The following ARHGAP26 variants were observed in gnomAD, a reference collection of about 807,000 sequenced individuals.
The protein encoded by ARHGAP26 is Rho GTPase activating protein 26, also known as rho GTPase-activating protein 26.
Under a neutral mutation model 104.8 loss-of-function variants are expected in ARHGAP26, and 38 were observed. The observed-to-expected ratio is 0.36, with a 90% CI of 0.28 to 0.48. The LOEUF (loss-of-function observed/expected upper bound fraction) is 0.48, where lower values mean the gene tolerates loss of function less well. Among genes scored for constraint, ARHGAP26 ranks in the 20% least tolerant of loss-of-function variants. The pLI is 0.99. For synonymous variants in ARHGAP26, 341 were observed against 340.0 expected (o/e 1.00, Z -0.03); for missense variants, 704 against 947.9 (o/e 0.74, Z 3.38).
At chr5:143,139,855 G>T (rs193083141) in intron 19 of ARHGAP26, among the ~76,000 whole-genome samples, 1 of 152,284 alleles carries the variant, frequency 6.6e-6, no homozygotes, top group Non-Finnish European at 1.5e-5. Context: ...TGACACACAC[G>T]CTGTGCTTTT....
intron 11 of ARHGAP26, among the ~76,000 whole-genome samples, chr5:143,010,427 G>T (rs563424948): frequency 6.6e-6 from 1 of 152,330 alleles, no homozygotes; most frequent in Admixed American, 6.5e-5. Context: ...GTTGCCATGT[G>T]TGGTGCTTGG....
chr5:143,140,764 G>A (rs1005579255), intron 19 of ARHGAP26, among the ~76,000 whole-genome samples: 1 of 152,134 alleles, frequency 6.6e-6, no homozygotes, highest in Non-Finnish European at 1.5e-5. Flanking sequence ...GGGGGCAGGA[G>A]TGGATTCTTG....
intron 19 of ARHGAP26, among the ~76,000 whole-genome samples, chr5:143,143,832 A>C (rs147488161): frequency 1.3e-5 from 2 of 152,350 alleles, no homozygotes; most frequent in African/African-American, 2.4e-5. Flanking sequence ...CTTAAGGACC[A>C]AGTTCACATG....
At chr5:143,047,868 G>T (rs1015742956) in intron 14 of ARHGAP26, among the ~76,000 whole-genome samples, 26 of 151,880 alleles carry the variant, frequency 1.7e-4, no homozygotes, top group African/African-American at 5.8e-4. Flanking sequence ...GCCCAGGCTG[G>T]AGTGCAGTGG....
intron 17 of ARHGAP26, among the ~76,000 whole-genome samples, chr5:143,087,046 C>T (rs1790695055): frequency 1.3e-5 from 2 of 152,200 alleles, no homozygotes. Context: ...AAAGTGTTTG[C>T]CAGGGTCCTT....
chr5:142,781,442 A>C (rs1403832484), intron 1 of ARHGAP26, among the ~76,000 whole-genome samples: 1 of 152,180 alleles, frequency 6.6e-6, no homozygotes, highest in African/African-American at 2.4e-5. Flanking sequence ...TGTATTGCCT[A>C]AAATAATCCC....
chr5:143,022,176 A>C (rs1780431851), intron 12 of ARHGAP26, among the ~76,000 whole-genome samples: 1 of 152,044 alleles, frequency 6.6e-6, no homozygotes, highest in Non-Finnish European at 1.5e-5. Context: ...GGCTCAGGTG[A>C]TTCTCCTGCC....
At chr5:143,117,264 T>C (rs1236800064) in intron 17 of ARHGAP26, among the ~76,000 whole-genome samples, 2 of 152,220 alleles carry the variant, frequency 1.3e-5, no homozygotes, top group African/African-American at 4.8e-5. Context: ...ACGAGTCCCG[T>C]GGCCTCTGCT....
chr5:142,824,178 A>AG (rs1173152006), intron 1 of ARHGAP26, among the ~76,000 whole-genome samples: 5 of 152,126 alleles, frequency 3.3e-5, no homozygotes, highest in Non-Finnish European at 5.9e-5. Context: ...TCGCGTTCCC[A>AG]TGCTCTGTGT....
At chr5:143,061,936 C>T (rs1276300726) in intron 17 of ARHGAP26, among the ~76,000 whole-genome samples, 1 of 152,208 alleles carries the variant, frequency 6.6e-6, no homozygotes, top group Non-Finnish European at 1.5e-5. Flanking sequence ...CTTTATGTCA[C>T]ATCTCATTGG....
At chr5:143,183,774 A>G (rs1804744037) in intron 20 of ARHGAP26, among the ~76,000 whole-genome samples, 1 of 152,164 alleles carries the variant, frequency 6.6e-6, no homozygotes, top group Admixed American at 6.5e-5. Context: ...TCTGACTACC[A>G]GTGTGAGTCC....
chr5:143,215,853 A>G (rs1316361781), intron 22 of ARHGAP26, among the ~76,000 whole-genome samples: 1 of 152,218 alleles, frequency 6.6e-6, no homozygotes, highest in Admixed American at 6.5e-5. Flanking sequence ...ATGTAAGCTT[A>G]TTCATCAGTA....
At chr5:142,821,018 AG>A (rs1766056536) in intron 1 of ARHGAP26, among the ~76,000 whole-genome samples, 1 of 152,250 alleles carries the variant, frequency 6.6e-6, no homozygotes, top group African/African-American at 2.4e-5. Context: ...TGCTTAGAGC[AG>A]ACAGGATGCC....
rs35136715 is a variant in ARHGAP26 at position 142,815,959 on chromosome 5, GTT to G, written c.154+45056_154+45057del. On this transcript the variant is annotated intron_variant, in intron 1 of 22. Coordinates refer to ENST00000645722, the MANE Select transcript of ARHGAP26 (RefSeq NM_001135608.3). ...ACAGACATGCACCACCATGCTTATT[GTT>G]TTTTTTTTTTTAATTTTTGTAGAGA... 1.2e-3 allele frequency among the ~76,000 whole-genome samples: 167 copies of G among 145,132 alleles called. 1 individual carries two copies. The highest frequency in any genetic ancestry group is 4.0e-3 in the African/African-American group (158 of 39,948).
Position 143,133,984 on chromosome 5 carries a change from C to G in ARHGAP26, c.1716C>G (p.Pro572=), listed in dbSNP as rs1007597016. 1.2e-6 allele frequency: 2 copies of G among 1,611,620 alleles called. No individual in the cohort carries two copies. The highest frequency in any genetic ancestry group is 1.7e-6 in the Non-Finnish European group (2 of 1,178,726). ...GTTTGCAGATATTTAACACCGTGCCCGATATGCCTCTCACCAATGCCCAGC... is the reference window on the plus strand; with the variant it reads ...GTTTGCAGATATTTAACACCGTGCCGGATATGCCTCTCACCAATGCCCAGC... ...ENHEKIFNTV[P]DMPLTNAQLH... The change falls in exon 19 of 23, where the codon CCC becomes CCG. Residue 572 remains proline, a synonymous_variant. Coordinates refer to ENST00000645722, the MANE Select transcript of ARHGAP26 (RefSeq NM_001135608.3).
At chr5:142,932,394 G>T in intron 11 of ARHGAP26, among the ~76,000 whole-genome samples, 1 of 152,164 alleles carries the variant, frequency 6.6e-6, no homozygotes, top group Admixed American at 6.5e-5. Context: ...TTGACTTCTG[G>T]TTCAGCCTCC....
chr5:142,780,143 T>C (rs573655868), intron 1 of ARHGAP26, among the ~76,000 whole-genome samples: 5 of 151,576 alleles, frequency 3.3e-5, no homozygotes, highest in African/African-American at 1.2e-4. Context: ...ACCCTTTGCT[T>C]TTAATATATT....
At chr5:143,023,828 GGACA>G (rs1322959957) in intron 12 of ARHGAP26, among the ~76,000 whole-genome samples, 1 of 152,186 alleles carries the variant, frequency 6.6e-6, no homozygotes, top group Non-Finnish European at 1.5e-5. Context: ...AGCTGATAGA[GGACA>G]GACACTCTGC....
intron 11 of ARHGAP26, among the ~76,000 whole-genome samples, chr5:142,970,038 A>G (rs1418856285): frequency 1.3e-5 from 2 of 152,206 alleles, no homozygotes; most frequent in Non-Finnish European, 2.9e-5. Flanking sequence ...GCCAGTGTGT[A>G]TAAACAGCCC....
Sources: allele counts gnomAD v4.1 joint callset (sites outside exome capture counted in the v4.1 genomes callset), GRCh38; gene constraint gnomAD v4.1.1; transcripts MANE v1.5; gene names NCBI Gene and HGNC (gene_info 2026-07-23, HGNC 2026-07-21).